TMEM225B: variants seen among roughly 807,000 people sequenced by gnomAD.
TMEM225B encodes transmembrane protein 225-like.
TMEM225B carries 10 observed loss-of-function variants against 16.9 expected under a neutral mutation model. That is an observed-to-expected ratio of 0.59 (90% CI 0.36 to 1.00). The LOEUF (loss-of-function observed/expected upper bound fraction) is 1.00, where lower values mean the gene tolerates loss of function less well. Ranked by LOEUF, TMEM225B falls within the 50% of genes least tolerant of loss-of-function variation. The probability of loss-of-function intolerance (pLI) is 0.01; values close to 1 mark genes in which losing one functional copy is unlikely to be tolerated. For missense variants in TMEM225B, 217 were observed against 267.0 expected, an observed-to-expected ratio of 0.81 and a Z score of 1.30; for synonymous variants, 92 against 109.8, an observed-to-expected ratio of 0.84 and a Z score of 1.01.
intron 1 of TMEM225B, among the ~76,000 whole-genome samples, chr7:99,599,629 CAAAATA>C (rs1185328143): frequency 1.3e-5 from 2 of 152,216 alleles, no homozygotes; most frequent in Non-Finnish European, 2.9e-5. Flanking sequence ...ATGCTCTTGG[CAAAATA>C]AAAAGTTGGC....
chr7:99,604,589 C>G lies in TMEM225B; in HGVS notation c.201C>G (p.Pro67=). 6.5e-7 allele frequency: 1 copy of G among 1,535,700 alleles called. No individual in the cohort carries two copies. Among genetic ancestry groups the G allele is most frequent in the African/African-American group, 1.4e-5 (1 of 73,124 alleles). Residue 67 remains proline, a synonymous_variant, in exon 3 of 6, where the codon CCC becomes CCG. Transcript: ENST00000431679. Reference sequence around the variant, plus strand: ...ATGCCAAATGCTGGAAGCCTCGACCCTTATCCAGTAAGGAGGGATGGAGGC... The same window carrying G: ...ATGCCAAATGCTGGAAGCCTCGACCGTTATCCAGTAAGGAGGGATGGAGGC... ...CFNAKCWKPR[P]LSIYIILGRV...
chr7:99,610,284 T>C (rs376704904), intron 5 of TMEM225B, 109 bp from the exon 6 acceptor site: 48 of 715,890 alleles, frequency 6.7e-5, no homozygotes, highest in South Asian at 6.6e-4. Context: ...ATACTCTAGA[T>C]TGGGGGGCAG....
intron 3 of TMEM225B, among the ~76,000 whole-genome samples, chr7:99,605,036 A>C (rs1000721649): frequency 2.0e-5 from 3 of 148,354 alleles, no homozygotes; most frequent in East Asian, 2.0e-4. Context: ...ACAACAACAA[A>C]ACACAAAAAA....
chr7:99,603,908 G>C (rs1805571397), intron 2 of TMEM225B, among the ~76,000 whole-genome samples: 1 of 152,040 alleles, frequency 6.6e-6, no homozygotes, highest in African/African-American at 2.4e-5. Flanking sequence ...GACTACAGGT[G>C]TGCAACACCA....
At chr7:99,609,948 G>A (rs993066888) in intron 5 of TMEM225B, among the ~76,000 whole-genome samples, 1 of 152,086 alleles carries the variant, frequency 6.6e-6, no homozygotes, top group Non-Finnish European at 1.5e-5. Flanking sequence ...TGTCGCCCAT[G>A]ATGAGTCTCG....
chr7:99,606,743 T>C lies in TMEM225B; in HGVS notation c.209-5T>C, dbSNP rs752785601. On this transcript the variant is annotated splice_polypyrimidine_tract_variant and splice_region_variant and intron_variant, in intron 3 of 5. Transcript: ENST00000431679. Reference sequence around the variant, plus strand: ...GCTTCAGCCCCACTTCTCCCTCCCCTGCAGTTTACATCATCCTCGGCCGGG... The same window carrying C: ...GCTTCAGCCCCACTTCTCCCTCCCCCGCAGTTTACATCATCCTCGGCCGGG... 12 of 1,535,864 alleles carry C rather than the reference T, an allele frequency of 7.8e-6. No individual in the cohort carries two copies. The highest frequency in any genetic ancestry group is 2.0e-5 in the Admixed American group (1 of 50,978).
intron 3 of TMEM225B, 61 bp downstream of exon 3, chr7:99,604,657 G>A (rs1805644486): frequency 7.4e-7 from 1 of 1,346,020 alleles, no homozygotes; most frequent in Non-Finnish European, 1.0e-6. Flanking sequence ...TGGGACAGAG[G>A]TGGGGGGTGA....
chr7:99,604,597 G>A lies in TMEM225B; in HGVS notation c.208+1G>A, dbSNP rs1187013171. 6.5e-7 allele frequency: 1 copy of A among 1,535,136 alleles called. No individual in the cohort carries two copies. The stretch of plus-strand genomic sequence containing the variant: ...TGCTGGAAGCCTCGACCCTTATCCA[G>A]TAAGGAGGGATGGAGGCGGGGAGGA... On this transcript the variant is annotated splice_donor_variant, in intron 3 of 5. Coordinates refer to ENST00000431679, the MANE Select transcript of TMEM225B (RefSeq NM_001195541.3). LOFTEE classifies it high-confidence loss of function.
chr7:99,608,708 T>TAAA (rs34289563), intron 5 of TMEM225B, among the ~76,000 whole-genome samples: 4 of 120,264 alleles, frequency 3.3e-5, no homozygotes, highest in African/African-American at 1.8e-4. Flanking sequence ...GCCAGCTAGT[T>TAAA]AAAAAAAAAT....
chr7:99,604,140 A>T (rs1471048290), intron 2 of TMEM225B, among the ~76,000 whole-genome samples: 2 of 152,172 alleles, frequency 1.3e-5, no homozygotes, highest in Non-Finnish European at 2.9e-5. Flanking sequence ...GGGCTCAGAG[A>T]GGGAACCTGA....
chr7:99,603,042 C>A (rs1297983233), intron 2 of TMEM225B, among the ~76,000 whole-genome samples: 1 of 152,106 alleles, frequency 6.6e-6, no homozygotes, highest in Non-Finnish European at 1.5e-5. Context: ...ATCTTAGTGA[C>A]AGATGGTGAT....
chr7:99,605,603 AT>A (rs1261043822), intron 3 of TMEM225B: 1 of 142,440 alleles, frequency 7.0e-6, no homozygotes, highest in Non-Finnish European at 1.5e-5. Flanking sequence ...TAATTTTTTA[AT>A]TTTAGGTTTT....
At chr7:99,602,331 C>T (rs760522310) in intron 2 of TMEM225B, among the ~76,000 whole-genome samples, 2 of 152,194 alleles carry the variant, frequency 1.3e-5, no homozygotes, top group Non-Finnish European at 2.9e-5. Context: ...ACAATTTGTC[C>T]TGAAGTTGGG....
At chr7:99,599,507 G>T (rs1442540707) in intron 1 of TMEM225B, among the ~76,000 whole-genome samples, 2 of 152,246 alleles carry the variant, frequency 1.3e-5, no homozygotes, top group Admixed American at 6.5e-5. Flanking sequence ...AGGCATGAAT[G>T]CACCACTGCA....
intron 5 of TMEM225B, among the ~76,000 whole-genome samples, chr7:99,609,102 G>A (rs898927502): frequency 1.3e-5 from 2 of 151,992 alleles, no homozygotes; most frequent in Non-Finnish European, 2.9e-5. Context: ...AGGAGGTGGA[G>A]GTTGCGGTGA....
chr7:99,605,008 AC>A (rs34525018), intron 3 of TMEM225B, among the ~76,000 whole-genome samples: 9,193 of 151,570 alleles, frequency 0.061, 600 homozygotes, highest in East Asian at 0.29. Flanking sequence ...AACAACAACA[AC>A]AACAACAACA....
intron 1 of TMEM225B, among the ~76,000 whole-genome samples, chr7:99,599,561 C>T (rs776749015): frequency 5.9e-5 from 9 of 152,182 alleles, no homozygotes; most frequent in Non-Finnish European, 1.3e-4. Flanking sequence ...AAAAGAACAA[C>T]AACAAAAATT....
intron 2 of TMEM225B, among the ~76,000 whole-genome samples, chr7:99,601,243 G>A (rs905688809): frequency 1.3e-5 from 2 of 152,180 alleles, no homozygotes; most frequent in South Asian, 4.1e-4. Flanking sequence ...AAGCCCTGAG[G>A]TTGGGGTGAC....
At chr7:99,606,039 A>C (rs1805781289) in intron 3 of TMEM225B, among the ~76,000 whole-genome samples, 1 of 152,230 alleles carries the variant, frequency 6.6e-6, no homozygotes, top group African/African-American at 2.4e-5. Context: ...ATGTGCAACA[A>C]ATTTTATCAC....
Sources: allele counts gnomAD v4.1 joint callset (sites outside exome capture counted in the v4.1 genomes callset), GRCh38; gene constraint gnomAD v4.1.1; transcripts MANE v1.5; gene names NCBI Gene and HGNC (gene_info 2026-07-23, HGNC 2026-07-21).